Variants in ABCA4 observed in about 807,000 individuals in gnomAD.
ABCA4 encodes retinal-specific phospholipid-transporting ATPase ABCA4.
In ABCA4, 196 loss-of-function variants were observed where a neutral mutation model predicts 263.7. The observed-to-expected ratio is 0.74, with a 90% CI of 0.66 to 0.84. ABCA4 has a LOEUF of 0.84. Ranked by LOEUF, ABCA4 falls within the 40% of genes least tolerant of loss-of-function variation. The pLI is 0.00. For synonymous variants in ABCA4, 1,133 were observed against 1,094.2 expected, an observed-to-expected ratio of 1.04 and a Z score of -0.70; for missense variants, 2,792 against 2,855.1, an observed-to-expected ratio of 0.98 and a Z score of 0.50.
intron 26 of ABCA4, among the ~76,000 whole-genome samples, chr1:94,032,974 G>T (rs1557773984): frequency 6.6e-6 from 1 of 152,076 alleles, no homozygotes; most frequent in Non-Finnish European, 1.5e-5. Context: ...GAGTCGATGT[G>T]GTTCTTTCTG....
At chr1:94,118,094 G>T (rs1442842432) in intron 1 of ABCA4, among the ~76,000 whole-genome samples, 1 of 152,042 alleles carries the variant, frequency 6.6e-6, no homozygotes, top group Non-Finnish European at 1.5e-5. Context: ...ACGCAGCATG[G>T]GTGTGAATCC....
chr1:94,030,010 G>A (rs1660151660), intron 29 of ABCA4, among the ~76,000 whole-genome samples: 1 of 152,216 alleles, frequency 6.6e-6, no homozygotes, highest in South Asian at 2.1e-4. Context: ...GATTCCTGGT[G>A]GATGTCAATG....
In ABCA4 at chr1:94,060,766, C is replaced by G; in HGVS notation, c.1938-7G>C. 1 of 1,601,174 alleles carries G rather than the reference C, an allele frequency of 6.2e-7. No homozygotes were observed. The highest frequency in any genetic ancestry group is 8.5e-7 in the Non-Finnish European group (1 of 1,171,320). The stretch of plus-strand genomic sequence containing the variant: ...GTTCAGGATGATCATGAAACTAAAG[C>G]AAAAGGAGAGAAGCAGAATAGTAGA... On this transcript the variant is annotated splice_region_variant and splice_polypyrimidine_tract_variant and intron_variant, in intron 13 of 49. Transcript: ENST00000370225.
chr1:94,002,017 T>G (rs1397863263), intron 44 of ABCA4, 25 bp from the exon 45 acceptor site: 3 of 1,614,046 alleles, frequency 1.9e-6, no homozygotes, highest in Admixed American at 3.3e-5. Flanking sequence ...GAAATGCCAT[T>G]TGGAGAAGAC....
chr1:94,103,781 A>T (rs1454923195), intron 4 of ABCA4, among the ~76,000 whole-genome samples: 1 of 152,150 alleles, frequency 6.6e-6, no homozygotes, highest in Admixed American at 6.5e-5. Context: ...AAGAGAAATG[A>T]GTTGGGGCCA....
intron 22 of ABCA4, among the ~76,000 whole-genome samples, chr1:94,041,754 A>G (rs908325045): frequency 1.3e-5 from 2 of 152,192 alleles, no homozygotes; most frequent in South Asian, 4.1e-4. Flanking sequence ...TATACTCTTC[A>G]TAAAGAACAC....
intron 44 of ABCA4, among the ~76,000 whole-genome samples, chr1:94,002,987 C>T (rs1267458077): frequency 6.8e-6 from 1 of 147,572 alleles, no homozygotes; most frequent in Non-Finnish European, 1.5e-5. Context: ...TAATAAAACC[C>T]TTCTCTCTCT....
intron 44 of ABCA4, among the ~76,000 whole-genome samples, chr1:94,002,274 T>C (rs1659212369): frequency 6.6e-6 from 1 of 152,180 alleles, no homozygotes; most frequent in Non-Finnish European, 1.5e-5. Context: ...AGCAAGACAG[T>C]GGGTCTCGCC....
chr1:94,036,789 C>T lies in ABCA4; in HGVS notation c.3814-1G>A. On this transcript the variant is annotated splice_acceptor_variant, in intron 25 of 49. Transcript: ENST00000370225. LOFTEE classifies it high-confidence loss of function. ...AATCCTCCGTGACCTTCAGAAAAAT[C>T]TGTCAAGAAGAAAAAAAGAGAGAAT... 1 of 1,614,044 alleles carries T rather than the reference C, an allele frequency of 6.2e-7. No homozygotes were observed. The highest frequency in any genetic ancestry group is 8.5e-7 in the Non-Finnish European group (1 of 1,179,930).
intron 37 of ABCA4, 45 bp downstream of exon 37, chr1:94,015,694 C>G (rs61754059): frequency 6.6e-7 from 1 of 1,508,798 alleles, no homozygotes; most frequent in African/African-American, 1.4e-5. Flanking sequence ...CCCCCACCAC[C>G]AGGCTTCTCT....
intron 14 of ABCA4, among the ~76,000 whole-genome samples, chr1:94,059,849 G>A (rs983652988): frequency 1.3e-5 from 2 of 152,150 alleles, no homozygotes. Flanking sequence ...GGATAGCAGC[G>A]CATTGCAAAA....
intron 36 of ABCA4, chr1:94,018,715 G>T (rs1052900667): frequency 2.4e-6 from 1 of 415,868 alleles, no homozygotes; most frequent in Non-Finnish European, 4.7e-6. Context: ...AGAATAAATT[G>T]GGGTTGATGT....
intron 13 of ABCA4, among the ~76,000 whole-genome samples, chr1:94,062,098 C>T (rs1661143344): frequency 6.6e-6 from 1 of 152,156 alleles, no homozygotes; most frequent in African/African-American, 2.4e-5. Flanking sequence ...CCAACACATT[C>T]CTCTGCCTTG....
chr1:94,001,522 T>G (rs1659182232), intron 45 of ABCA4: 2 of 562,178 alleles, frequency 3.6e-6, no homozygotes, highest in Admixed American at 4.4e-5. Flanking sequence ...TCAGGAGCCT[T>G]TGACCCAGCT....
In ABCA4 at chr1:93,993,216, A is replaced by G; in HGVS notation, c.*21T>C. ...CTGCCCAGAGTTCCTTTCTGGCTGC[A>G]GGAACGAGCGGTGTGAAAGATCAGT... On this transcript the variant is annotated 3_prime_UTR_variant, in exon 50 of 50. Coordinates refer to ENST00000370225, the MANE Select transcript of ABCA4 (RefSeq NM_000350.3). The G allele has an allele frequency of 2.5e-6, 4 of 1,613,916 alleles. No individual in the cohort carries two copies. The highest frequency in any genetic ancestry group is 2.5e-6 in the Non-Finnish European group (3 of 1,179,852).
chr1:94,072,210 G>A (rs1661418476), intron 11 of ABCA4, among the ~76,000 whole-genome samples: 1 of 152,152 alleles, frequency 6.6e-6, no homozygotes, highest in African/African-American at 2.4e-5. Flanking sequence ...AGACAATAAG[G>A]AGTTATGCAC....
chr1:94,109,464 G>A (rs2101158031), intron 3 of ABCA4, among the ~76,000 whole-genome samples: 1 of 152,356 alleles, frequency 6.6e-6, no homozygotes, highest in Non-Finnish European at 1.5e-5. Flanking sequence ...CCTCTGCCAA[G>A]GCTGATGGGA....
intron 36 of ABCA4, among the ~76,000 whole-genome samples, chr1:94,016,993 C>T (rs1376636169): frequency 6.6e-6 from 1 of 152,058 alleles, no homozygotes; most frequent in Non-Finnish European, 1.5e-5. Context: ...GATACAGAAG[C>T]CAGCTTCAAC....
chr1:94,014,469 C>A (rs547559687), intron 38 of ABCA4, 74 bp downstream of exon 38: 1 of 1,553,618 alleles, frequency 6.4e-7, no homozygotes, highest in South Asian at 1.1e-5. Flanking sequence ...GATGCTTGCC[C>A]CTGGCTCTGC....
Sources: gnomAD v4.1 joint callset for allele counts (sites outside exome capture counted in the v4.1 genomes callset) on GRCh38, gnomAD v4.1.1 for gene constraint, MANE v1.5 for transcripts, NCBI Gene and HGNC (gene_info 2026-07-23, HGNC 2026-07-21) for gene names.